Variants in TMEM74 observed in about 807,000 individuals in gnomAD.
The protein encoded by TMEM74 is transmembrane protein 74.
A neutral mutation model predicts 18.1 loss-of-function variants in TMEM74; 13 were observed. That is an observed-to-expected ratio of 0.72 (90% CI 0.47 to 1.14). TMEM74 has a LOEUF of 1.14. TMEM74 is among the 50% of genes most tolerant of loss of function. The pLI, the probability that TMEM74 is intolerant of heterozygous loss-of-function variation, is 0.00. For synonymous variants in TMEM74, 159 were observed against 146.6 expected, an observed-to-expected ratio of 1.08 and a Z score of -0.61; for missense variants, 372 against 375.9, an observed-to-expected ratio of 0.99 and a Z score of 0.09.
chr8:108,656,822 C>T (rs192563630), intron 1 of TMEM74, among the ~76,000 whole-genome samples: 4 of 152,260 alleles, frequency 2.6e-5, no homozygotes, highest in Admixed American at 2.6e-4. Context: ...AGAAATTCTG[C>T]TTCCTTCTTT....
chr8:108,673,747 A>G (rs367590474), intron 1 of TMEM74, among the ~76,000 whole-genome samples: 8 of 152,340 alleles, frequency 5.3e-5, no homozygotes, highest in African/African-American at 1.9e-4. Context: ...TGGGAAATAC[A>G]GAAAATCTGC....
intron 1 of TMEM74, among the ~76,000 whole-genome samples, chr8:108,740,007 T>G (rs1813784518): frequency 6.6e-6 from 1 of 152,034 alleles, no homozygotes; most frequent in African/African-American, 2.4e-5. Context: ...GTGGTGAGAA[T>G]GTGGGGGTCA....
intron 2 of TMEM74, among the ~76,000 whole-genome samples, chr8:108,614,513 T>C (rs1563732440): frequency 6.6e-6 from 1 of 152,200 alleles, no homozygotes; most frequent in South Asian, 2.1e-4. Context: ...CCAGAAAGAA[T>C]GACCTAGAAT....
At chr8:108,682,784 T>C (rs1813129188) in intron 1 of TMEM74, among the ~76,000 whole-genome samples, 1 of 152,022 alleles carries the variant, frequency 6.6e-6, no homozygotes, top group Non-Finnish European at 1.5e-5. Flanking sequence ...GTGTGGCTCT[T>C]AAAATCTTTC....
intron 1 of TMEM74, among the ~76,000 whole-genome samples, chr8:108,675,141 A>G (rs1160772994): frequency 6.6e-6 from 1 of 152,212 alleles, no homozygotes; most frequent in African/African-American, 2.4e-5. Flanking sequence ...CCCTGTGGGA[A>G]TAAGCTCCAG....
At chr8:108,708,839 C>G (rs1554574212) in intron 1 of TMEM74, among the ~76,000 whole-genome samples, 1 of 110,366 alleles carries the variant, frequency 9.1e-6, no homozygotes, top group South Asian at 2.7e-4. Flanking sequence ...AAAACCAACC[C>G]AAATAACATG....
intron 2 of TMEM74, among the ~76,000 whole-genome samples, chr8:108,616,076 C>T (rs889690357): frequency 3.4e-4 from 52 of 152,074 alleles, no homozygotes; most frequent in African/African-American, 1.1e-3. Context: ...TGAGCCACTG[C>T]GCCTGGCCTG....
Position 108,738,905 on chromosome 8 carries a change from C to T in TMEM74, n.119+48571G>A, listed in dbSNP as rs549478480. Among the ~76,000 whole-genome samples, 14 of 152,132 alleles carry T rather than the reference C, an allele frequency of 9.2e-5. No individual in the cohort carries two copies. In the South Asian group the frequency reaches 2.7e-3, roughly 29 times the overall value. On this transcript the variant is annotated intron_variant and non_coding_transcript_variant, in intron 1 of 3. Coordinates refer to the TMEM74 transcript ENST00000518838. ...ATTATATCTACAATTTAATTCATGA[C>T]CAAGAAAGGACAAAAGAAGGATATA...
chr8:108,767,949 G>A (rs928857825), intron 1 of TMEM74, among the ~76,000 whole-genome samples: 13 of 151,696 alleles, frequency 8.6e-5, no homozygotes, highest in Admixed American at 2.6e-4. Flanking sequence ...CAAATGATAC[G>A]CTTCCACATG....
At chr8:108,672,726 C>G (rs560133288) in intron 1 of TMEM74, among the ~76,000 whole-genome samples, 4 of 152,310 alleles carry the variant, frequency 2.6e-5, no homozygotes, top group South Asian at 4.1e-4. Context: ...TTCCTCCTAT[C>G]CCTCAGATCT....
intron 2 of TMEM74, among the ~76,000 whole-genome samples, chr8:108,613,461 A>G (rs1440524484): frequency 6.6e-6 from 1 of 152,234 alleles, no homozygotes; most frequent in Non-Finnish European, 1.5e-5. Context: ...AATACAACAC[A>G]GAGCTTTCTA....
chr8:108,723,164 G>A (rs1282590939), intron 1 of TMEM74, among the ~76,000 whole-genome samples: 1 of 152,174 alleles, frequency 6.6e-6, no homozygotes, highest in Non-Finnish European at 1.5e-5. Context: ...GTGTGGTGGT[G>A]TTTTTTATTC....
chr8:108,619,542 A>T (rs983501402), intron 2 of TMEM74, among the ~76,000 whole-genome samples: 3 of 152,186 alleles, frequency 2.0e-5, no homozygotes, highest in Non-Finnish European at 4.4e-5. Context: ...CCCTGGCCAC[A>T]GCTCTTTGTG....
chr8:108,726,017 G>T (rs1160337438), intron 1 of TMEM74, among the ~76,000 whole-genome samples: 1 of 152,104 alleles, frequency 6.6e-6, no homozygotes, highest in Non-Finnish European at 1.5e-5. Context: ...ATGCACCTGG[G>T]TAAATAAGGA....
intron 2 of TMEM74, among the ~76,000 whole-genome samples, chr8:108,618,008 C>G (rs1422424331): frequency 1.3e-5 from 2 of 152,006 alleles, no homozygotes; most frequent in African/African-American, 4.8e-5. Context: ...TCTTTACTGC[C>G]TTGAAGAAAG....
chr8:108,642,421 A>G (rs567094406), intron 2 of TMEM74, among the ~76,000 whole-genome samples: 14 of 151,774 alleles, frequency 9.2e-5, no homozygotes, highest in Non-Finnish European at 1.0e-4. Context: ...GAGAAAATAT[A>G]TGTGTTCAAT....
At chr8:108,689,341 A>G (rs1175110787) in intron 1 of TMEM74, among the ~76,000 whole-genome samples, 1 of 152,202 alleles carries the variant, frequency 6.6e-6, no homozygotes, top group African/African-American at 2.4e-5. Flanking sequence ...AGGTTACTTT[A>G]TTCAGTTAGG....
rs1370183341 is a variant in TMEM74 at position 108,787,546 on chromosome 8, C to G, written c.-110G>C. ...CCGGCACGGTTCCCGGAGAAAGTCC[C>G]CCAATCACCAGCTACGGCACTTGTA... On this transcript the variant is annotated 5_prime_UTR_variant, in exon 1 of 2. Coordinates refer to ENST00000297459, the MANE Select transcript of TMEM74 (RefSeq NM_153015.3). 1.3e-5 allele frequency: 2 copies of G among 152,244 alleles called. No individual in the cohort carries two copies. Among genetic ancestry groups the G allele is most frequent in the Non-Finnish European group, 2.9e-5 (2 of 68,098 alleles). 9.4% of individuals were successfully genotyped at this position (152,244 alleles called of 1,614,324 possible).
chr8:108,672,703 A>T (rs900741102), intron 1 of TMEM74, among the ~76,000 whole-genome samples: 3 of 152,348 alleles, frequency 2.0e-5, no homozygotes, highest in East Asian at 1.9e-4. Context: ...ATACAAAGCC[A>T]TGGAATTTAA....
Sources: gnomAD v4.1 joint callset for allele counts (sites outside exome capture counted in the v4.1 genomes callset) on GRCh38, gnomAD v4.1.1 for gene constraint, MANE v1.5 for transcripts, NCBI Gene and HGNC (gene_info 2026-07-23, HGNC 2026-07-21) for gene names.